FBXL7: variants seen among roughly 807,000 people sequenced by gnomAD.
The protein encoded by FBXL7 is F-box/LRR-repeat protein 7.
FBXL7 carries 12 observed loss-of-function variants against 38.3 expected under a neutral mutation model. The observed-to-expected ratio is 0.31, with a 90% confidence interval of 0.20 to 0.51. The LOEUF (loss-of-function observed/expected upper bound fraction) is 0.51, where lower values mean the gene tolerates loss of function less well. Among genes scored for constraint, FBXL7 ranks in the 20% least tolerant of loss-of-function variants. The pLI is 0.98. For synonymous variants in FBXL7, 297 were observed against 300.9 expected (o/e 0.99, Z 0.13); for missense variants, 567 against 676.4 (o/e 0.84, Z 1.79).
intron 2 of FBXL7, among the ~76,000 whole-genome samples, chr5:15,761,938 A>G (rs78621203): frequency 3.3e-4 from 50 of 152,324 alleles, no homozygotes; most frequent in African/African-American, 1.2e-3. Flanking sequence ...CACTATATCA[A>G]GTTATCAATT....
At position 15,500,183 on chromosome 5, in the gene FBXL7, G is replaced by A. The variant is rs940564534; in HGVS notation, c.-494G>A. 1 of 152,022 alleles carries A rather than the reference G, an allele frequency of 6.6e-6. No homozygotes were observed. The highest frequency in any genetic ancestry group is 1.5e-5 in the Non-Finnish European group (1 of 67,972). The allele number at this position is 152,022 out of a possible 1,614,324, so 9.4% of individuals were successfully genotyped here. On this transcript the variant is annotated 5_prime_UTR_variant, in exon 1 of 4. Transcript: ENST00000504595. The stretch of plus-strand genomic sequence containing the variant: ...GTCCGGCCCGCGGGCGAGCTGCGCC[G>A]GGTCGCTAGTCTTCACTCGCTCCGG...
chr5:15,709,435 G>A (rs1743791511), intron 2 of FBXL7, among the ~76,000 whole-genome samples: 1 of 151,872 alleles, frequency 6.6e-6, no homozygotes, highest in South Asian at 2.1e-4. Context: ...TAGGGAGGCT[G>A]AGGCAGGAGA....
chr5:15,546,491 C>T (rs573712171), intron 1 of FBXL7, among the ~76,000 whole-genome samples: 164 of 151,876 alleles, frequency 1.1e-3, no homozygotes, highest in African/African-American at 3.6e-3. Flanking sequence ...TGCTTGAATC[C>T]GGGATGCAGA....
rs1024283379 is a variant in FBXL7 at position 15,921,835 on chromosome 5, C to T, written c.128-6055C>T. ...GTTAGGAGATCTGTTATCAAAAAGACAAGAGATAATAAGTGTGACAGGGTG... is the reference window on the plus strand; with the variant it reads ...GTTAGGAGATCTGTTATCAAAAAGATAAGAGATAATAAGTGTGACAGGGTG... On this transcript the variant is annotated intron_variant, in intron 2 of 3. Transcript: ENST00000504595. Among the ~76,000 whole-genome samples, 4 of 152,048 alleles carry T rather than the reference C, an allele frequency of 2.6e-5. No individual in the cohort carries two copies. The East Asian group carries it at 7.7e-4, about 29-fold the overall frequency.
chr5:15,809,537 C>G (rs1261535295), intron 2 of FBXL7, among the ~76,000 whole-genome samples: 1 of 152,012 alleles, frequency 6.6e-6, no homozygotes, highest in African/African-American at 2.4e-5. Context: ...AGTGGACATT[C>G]AATAACTATT....
intron 1 of FBXL7, among the ~76,000 whole-genome samples, chr5:15,570,030 G>A (rs558291352): frequency 3.9e-4 from 60 of 152,048 alleles, no homozygotes; most frequent in African/African-American, 1.2e-3. Flanking sequence ...ATGTTCATCA[G>A]GGATATTGGT....
At chr5:15,619,683 A>G (rs530018659) in intron 2 of FBXL7, among the ~76,000 whole-genome samples, 2 of 152,292 alleles carry the variant, frequency 1.3e-5, no homozygotes, top group Middle Eastern at 6.8e-3. Context: ...TCTGAATGGT[A>G]TTGATTTTTT....
chr5:15,829,219 T>G (rs1255756954), intron 2 of FBXL7, among the ~76,000 whole-genome samples: 1 of 152,210 alleles, frequency 6.6e-6, no homozygotes, highest in Non-Finnish European at 1.5e-5. Flanking sequence ...AAGTCTTCAT[T>G]TTTATCCTTG....
intron 2 of FBXL7, among the ~76,000 whole-genome samples, chr5:15,624,379 C>T (rs908307847): frequency 6.6e-6 from 1 of 152,204 alleles, no homozygotes; most frequent in African/African-American, 2.4e-5. Context: ...GATATTTTAA[C>T]TGTTTTCCCA....
chr5:15,505,142 A>G (rs957949970), intron 1 of FBXL7, among the ~76,000 whole-genome samples: 16 of 152,188 alleles, frequency 1.1e-4, no homozygotes, highest in African/African-American at 2.9e-4. Flanking sequence ...CAGGAAACAT[A>G]TCTTGAAATT....
chr5:15,872,906 G>A (rs1044471440), intron 2 of FBXL7, among the ~76,000 whole-genome samples: 2 of 152,048 alleles, frequency 1.3e-5, no homozygotes, highest in African/African-American at 4.8e-5. Context: ...TTCAGGACTT[G>A]AACTCAGCTC....
chr5:15,598,120 A>G (rs1230930124), intron 1 of FBXL7, among the ~76,000 whole-genome samples: 1 of 152,228 alleles, frequency 6.6e-6, no homozygotes, highest in Non-Finnish European at 1.5e-5. Context: ...TTTGAAAAAT[A>G]CATCATAGAT....
chr5:15,590,846 G>C (rs1054486390), intron 1 of FBXL7, among the ~76,000 whole-genome samples: 4 of 152,150 alleles, frequency 2.6e-5, no homozygotes, highest in Non-Finnish European at 4.4e-5. Context: ...ATAAATTACT[G>C]AGTCACATAG....
intron 2 of FBXL7, 145 bp downstream of exon 2, chr5:15,616,217 A>G: frequency 5.2e-6 from 3 of 572,408 alleles, no homozygotes; most frequent in Non-Finnish European, 9.2e-6. Flanking sequence ...AGGGTCTCCT[A>G]AGTTTTGTTG....
chr5:15,553,059 C>T (rs546468619), intron 1 of FBXL7, among the ~76,000 whole-genome samples: 15 of 148,820 alleles, frequency 1.0e-4, no homozygotes, highest in East Asian at 3.9e-4. Flanking sequence ...TCCAGCCTGG[C>T]GACAGAGTAA....
chr5:15,541,050 A>ATGTG (rs113578475), intron 1 of FBXL7, among the ~76,000 whole-genome samples: 14 of 149,136 alleles, frequency 9.4e-5, no homozygotes, highest in Non-Finnish European at 1.2e-4. Flanking sequence ...ATGTGTCGGA[A>ATGTG]TGTGTGTGTG....
chr5:15,686,561 C>G (rs1198755860), intron 2 of FBXL7, among the ~76,000 whole-genome samples: 1 of 152,162 alleles, frequency 6.6e-6, no homozygotes, highest in African/African-American at 2.4e-5. Context: ...GAACCTTTCT[C>G]TCTGTATAGC....
At chr5:15,837,303 A>G (rs558971762) in intron 2 of FBXL7, among the ~76,000 whole-genome samples, 26 of 152,344 alleles carry the variant, frequency 1.7e-4, no homozygotes, top group African/African-American at 5.8e-4. Context: ...CTTTAACTGC[A>G]TATATAGGAT....
chr5:15,621,111 C>T (rs1740627074), intron 2 of FBXL7, among the ~76,000 whole-genome samples: 1 of 152,176 alleles, frequency 6.6e-6, no homozygotes, highest in South Asian at 2.1e-4. Flanking sequence ...TGGGAGTGTT[C>T]CATTCCAAAG....
Sources: gnomAD v4.1 joint callset for allele counts (sites outside exome capture counted in the v4.1 genomes callset) on GRCh38, gnomAD v4.1.1 for gene constraint, MANE v1.5 for transcripts, NCBI Gene and HGNC (gene_info 2026-07-23, HGNC 2026-07-21) for gene names.